The following LAMP2 variants were observed in gnomAD, a reference collection of about 807,000 sequenced individuals.
LAMP2 encodes the protein lysosome-associated membrane glycoprotein 2.
In LAMP2, 4 loss-of-function variants were observed where a neutral mutation model predicts 25.6. The observed-to-expected ratio is 0.16, with a 90% CI of 0.08 to 0.36. The LOEUF is 0.36. LAMP2 is among the 10% of genes least tolerant of loss of function. LAMP2 has a pLI of 1.00. For synonymous variants in LAMP2, 108 were observed against 112.7 expected, an observed-to-expected ratio of 0.96 and a Z score of 0.27; for missense variants, 272 against 301.4, an observed-to-expected ratio of 0.90 and a Z score of 0.72.
chrX:120,433,932 T>C (rs1032019688), intron 8 of LAMP2, among the ~76,000 whole-genome samples: 5 of 112,039 alleles, frequency 4.5e-5, no homozygotes, highest in Admixed American at 1.9e-4. Flanking sequence ...AATGCAACCC[T>C]GGAGTTTATA....
rs764949357 is a variant in LAMP2, at chrX:120,439,149, T to C, written c.1093+2581A>G. On this transcript the variant is annotated intron_variant, in intron 8 of 8. Coordinates refer to ENST00000200639, the MANE Select transcript of LAMP2 (RefSeq NM_002294.3). ...TTTGTAACAGAGATCACGTATTGAT[T>C]AGTGTTACAGAGTCTGATATCCAGC... is the stretch of plus-strand genomic sequence containing the variant. The C allele has an allele frequency of 8.3e-7, 1 of 1,210,523 alleles. No individual in the cohort carries two copies. Among genetic ancestry groups the C allele is most frequent in the Admixed American group, 2.2e-5 (1 of 46,002 alleles).
chrX:120,432,385 A>G (rs957126547), intron 8 of LAMP2, among the ~76,000 whole-genome samples: 3 of 111,312 alleles, frequency 2.7e-5, no homozygotes, highest in African/African-American at 6.5e-5. Flanking sequence ...GCTCTTAGGT[A>G]GTCTGGCCTT....
rs772520416 is a variant in LAMP2 at position 120,455,392 on chromosome X, C to T, written c.362G>A (p.Gly121Asp). Residue 121 changes from glycine (G) to aspartate (D), a missense_variant, in exon 3 of 9, where the codon GGT becomes GAT. Physicochemically the swap from Gly to Asp is moderately conservative, Grantham distance 94. Transcript: ENST00000200639. ...IDSVSFSYNT[G>D]DNTTFPDAED... ...AGCATCAGGAAATGTTGTGTTATCA[C>T]CAGTGTTGTAGGAAAATGAGACGCT... is the stretch of plus-strand genomic sequence containing the variant. 2 of 1,208,778 alleles carry T rather than the reference C, an allele frequency of 1.7e-6. No individual in the cohort carries two copies. Among genetic ancestry groups the T allele is most frequent in the Admixed American group, 4.4e-5 (2 of 45,914 alleles).
chrX:120,440,398 A>G lies in LAMP2; in HGVS notation c.1093+1332T>C, dbSNP rs747582757. On this transcript the variant is annotated intron_variant, in intron 8 of 8. Transcript: ENST00000200639. ...CACTCTTCTGCCTTATTGCAATTCT[A>G]TTTCTTTCCCCATACAGTCAAATAT... is the stretch of plus-strand genomic sequence containing the variant. Among the ~76,000 whole-genome samples the G allele has an allele frequency of 2.7e-5, 3 of 111,489 alleles. No individual in the cohort carries two copies. The East Asian group carries it at 8.4e-4, about 31-fold the overall frequency.
At position 120,446,377 on chromosome X, in the gene LAMP2, G is replaced by A; in HGVS notation, c.792C>T (p.Ser264=). Residue 264 remains serine (S), a synonymous_variant, in exon 6 of 9, where the codon AGC becomes AGT. Coordinates refer to ENST00000200639, the MANE Select transcript of LAMP2 (RefSeq NM_002294.3). The stretch of plus-strand genomic sequence containing the variant: ...TAAGTAGAGCAGTGTGAGAACGGCA[G>A]CTGCCTGTGGAGTGAGTTGTATTGG... The part of the protein sequence containing the change: ...INPNTTHSTG[S]CRSHTALLRL... 1 of 1,204,747 alleles carries A rather than the reference G, an allele frequency of 8.3e-7. No individual in the cohort carries two copies. Among genetic ancestry groups the A allele is most frequent in the East Asian group, 3.0e-5 (1 of 33,824 alleles).
rs1330194437 is a variant in LAMP2, at chrX:120,468,996, T to C, written c.64+110A>G. On this transcript the variant is annotated intron_variant, in intron 1 of 8. Transcript: ENST00000200639. ...CCAACCGCCGCCGCCCAGTGTTAGC[T>C]GCTGAGCCTCTCAACCCCCTCCCCC... The C allele has an allele frequency of 3.4e-6, 3 of 892,362 alleles. No homozygotes were observed. The East Asian group carries it at 9.3e-5, about 28-fold the overall frequency. The allele number at this position is 892,362 out of a possible 1,213,427, so 73.5% of individuals were successfully genotyped here. A position where few individuals can be genotyped will look rare whatever the true frequency, so the allele number is the denominator to read the frequency against.
At chrX:120,463,114 C>G (rs976841087) in intron 1 of LAMP2, among the ~76,000 whole-genome samples, 2 of 111,690 alleles carry the variant, frequency 1.8e-5, no homozygotes, top group African/African-American at 6.5e-5. Flanking sequence ...GCATACGGTA[C>G]CTATTTATCT....
chrX:120,431,297 T>G lies in LAMP2; in HGVS notation c.*26A>C. On this transcript the variant is annotated 3_prime_UTR_variant, in exon 9 of 9. Coordinates refer to ENST00000200639, the MANE Select transcript of LAMP2 (RefSeq NM_002294.3). ...AAAATCTTGTTATTTGCATGTATTT[T>G]TATATAATCAATCAGGTTGCAGATT... 3 of 1,209,935 alleles carry G rather than the reference T, an allele frequency of 2.5e-6. No individual in the cohort carries two copies. The highest frequency in any genetic ancestry group is 3.4e-6 in the Non-Finnish European group (3 of 893,825).
chrX:120,436,645 C>G (rs1174371356), intron 8 of LAMP2: 1 of 736,277 alleles, frequency 1.4e-6, no homozygotes, highest in Admixed American at 8.8e-5. Flanking sequence ...TTTCTTTATA[C>G]AAATGCTAAA....
chrX:120,438,293 G>A, intron 8 of LAMP2: 9 of 752,741 alleles, frequency 1.2e-5, no homozygotes, highest in Non-Finnish European at 1.4e-5. Flanking sequence ...AGAGAAATCT[G>A]CATTAATTTT....
At chrX:120,435,835 T>C (rs1039004758) in intron 8 of LAMP2, among the ~76,000 whole-genome samples, 1 of 111,606 alleles carries the variant, frequency 9.0e-6, no homozygotes, top group East Asian at 2.8e-4. Context: ...AGTTTTCTTA[T>C]GTGATATAGT....
Position 120,429,424 on chromosome X carries a change from A to G in LAMP2, c.*1899T>C, listed in dbSNP as rs2058513780. The G allele has an allele frequency of 1.9e-6, 1 of 530,029 alleles. No individual in the cohort carries two copies. Among genetic ancestry groups the G allele is most frequent in the Admixed American group, 9.2e-5 (1 of 10,873 alleles). The allele number at this position is 530,029 out of a possible 1,213,427, so 43.7% of individuals were successfully genotyped here. A position where few individuals can be genotyped will look rare whatever the true frequency, so the allele number is the denominator to read the frequency against. On this transcript the variant is annotated 3_prime_UTR_variant, in exon 9 of 9. Coordinates refer to ENST00000200639, the MANE Select transcript of LAMP2 (RefSeq NM_002294.3). ...GTAAGAAGGGGATAATAATACCTAT[A>G]AGGTATTTGAGGATTAAATACAATT... is the stretch of plus-strand genomic sequence containing the variant.
chrX:120,459,277 C>G lies in LAMP2; in HGVS notation c.65-2508G>C, dbSNP rs898247963. Among the ~76,000 whole-genome samples the G allele has an allele frequency of 2.7e-5, 3 of 112,034 alleles. No homozygotes were observed. In the Admixed American group the frequency reaches 2.9e-4, roughly 11 times the overall value. ...CCCCAAATCTGAAACACCCCTTGTCCCCTTGTTACAATTTCTGGCAGAAAT... is the reference window on the plus strand; with the variant it reads ...CCCCAAATCTGAAACACCCCTTGTCGCCTTGTTACAATTTCTGGCAGAAAT... On this transcript the variant is annotated intron_variant, in intron 1 of 8. Coordinates refer to ENST00000200639, the MANE Select transcript of LAMP2 (RefSeq NM_002294.3).
At chrX:120,448,850 T>C (rs2058609318) in intron 4 of LAMP2, 120 bp downstream of exon 4, 2 of 606,221 alleles carry the variant, frequency 3.3e-6, no homozygotes, top group South Asian at 2.7e-5. Context: ...TATAGCCTAG[T>C]AGAAGCTATG....
At chrX:120,441,977 G>T in intron 7 of LAMP2, 83 bp from the exon 8 acceptor site, 1 of 903,785 alleles carries the variant, frequency 1.1e-6, no homozygotes, top group Non-Finnish European at 1.6e-6. Flanking sequence ...AGTGGCTCAC[G>T]CCTGTAATTC....
At chrX:120,443,729 G>A (rs1569368559) in intron 6 of LAMP2, among the ~76,000 whole-genome samples, 1 of 111,932 alleles carries the variant, frequency 8.9e-6, no homozygotes, top group East Asian at 2.8e-4. Flanking sequence ...TTACCTTGTT[G>A]GCAAAAGAGA....
rs1241069282 is a variant in LAMP2, at chrX:120,430,017, AT to A, written c.*1305del. 7 of 752,725 alleles carry A rather than the reference AT, an allele frequency of 9.3e-6. No individual in the cohort carries two copies. The African/African-American group carries it at 1.4e-4, about 15-fold the overall frequency. 62.0% of individuals were successfully genotyped at this position (752,725 alleles called of 1,213,427 possible). ...CATCTCAGTAACCACACATTAGCCT[AT>A]GCTGAAAGAATTTACTATATTTTAC... On this transcript the variant is annotated 3_prime_UTR_variant, in exon 9 of 9. Transcript: ENST00000200639.
chrX:120,446,554 T>C, intron 5 of LAMP2, 127 bp from the exon 6 acceptor site: 1 of 703,058 alleles, frequency 1.4e-6, no homozygotes, highest in Non-Finnish European at 2.2e-6. Context: ...ATACTTAAAA[T>C]TCATGGTGTC....
intron 1 of LAMP2, among the ~76,000 whole-genome samples, chrX:120,468,668 T>C (rs1044114589): frequency 9.0e-6 from 1 of 110,623 alleles, no homozygotes; most frequent in African/African-American, 3.3e-5. Context: ...TCTTCTCTCT[T>C]AATTTCCTAT....
Sources: gnomAD v4.1 joint callset for allele counts (sites outside exome capture counted in the v4.1 genomes callset) on GRCh38, gnomAD v4.1.1 for gene constraint, MANE v1.5 for transcripts, NCBI Gene and HGNC (gene_info 2026-07-23, HGNC 2026-07-21) for gene names.